RAB3C: variants seen among roughly 807,000 people sequenced by gnomAD.
The protein encoded by RAB3C is ras-related protein Rab-3C.
Under a neutral mutation model 26.4 loss-of-function variants are expected in RAB3C, and 17 were observed. That is an observed-to-expected ratio of 0.64 (90% CI 0.44 to 0.97). The LOEUF (loss-of-function observed/expected upper bound fraction) is 0.97. RAB3C is among the 50% of genes least tolerant of loss of function. The pLI is 0.00. For synonymous variants in RAB3C, 91 were observed against 95.9 expected (o/e 0.95, Z 0.30); for missense variants, 242 against 281.9 (o/e 0.86, Z 1.01).
At chr5:58,734,651 C>T (rs937287443) in intron 3 of RAB3C, among the ~76,000 whole-genome samples, 6 of 152,186 alleles carry the variant, frequency 3.9e-5, no homozygotes, top group African/African-American at 1.4e-4. Context: ...CACCCTGTTT[C>T]CTCCGTTGTC....
intron 4 of RAB3C, among the ~76,000 whole-genome samples, chr5:58,839,976 G>A (rs1341678278): frequency 6.6e-6 from 1 of 150,620 alleles, no homozygotes; most frequent in Non-Finnish European, 1.5e-5. Context: ...TAGGGGTTCT[G>A]TGAGAATTTC....
intron 3 of RAB3C, among the ~76,000 whole-genome samples, chr5:58,764,174 A>C (rs1316158958): frequency 6.6e-6 from 1 of 152,182 alleles, no homozygotes; most frequent in Non-Finnish European, 1.5e-5. Flanking sequence ...AACTTCAGAG[A>C]GGGGGACAAT....
chr5:58,582,346 T>C, upstream of RAB3C: 1 of 975,274 alleles, frequency 1.0e-6, no homozygotes, highest in African/African-American at 1.8e-5. Flanking sequence ...CGTAGAGCCC[T>C]AACCTCCTTT....
intron 2 of RAB3C, among the ~76,000 whole-genome samples, chr5:58,635,922 C>T (rs1210940468): frequency 6.6e-6 from 1 of 152,068 alleles, no homozygotes; most frequent in Non-Finnish European, 1.5e-5. Context: ...CTAATTTATA[C>T]CTGCATTTGG....
intron 2 of RAB3C, among the ~76,000 whole-genome samples, chr5:58,706,350 G>C (rs1748943213): frequency 6.6e-6 from 1 of 152,040 alleles, no homozygotes; most frequent in African/African-American, 2.4e-5. Flanking sequence ...TCTTTATTTA[G>C]AAATAAGTGG....
intron 3 of RAB3C, among the ~76,000 whole-genome samples, chr5:58,779,027 C>T (rs1485249454): frequency 1.3e-5 from 2 of 152,116 alleles, no homozygotes; most frequent in African/African-American, 2.4e-5. Flanking sequence ...TAGTAAGCCA[C>T]GTTCATTCTG....
chr5:58,631,609 G>A (rs1318386685), intron 2 of RAB3C, among the ~76,000 whole-genome samples: 1 of 152,118 alleles, frequency 6.6e-6, no homozygotes, highest in African/African-American at 2.4e-5. Context: ...GACTCACAAG[G>A]CATATTATTG....
intron 3 of RAB3C, among the ~76,000 whole-genome samples, chr5:58,810,767 T>C (rs1446261197): frequency 6.6e-6 from 1 of 152,164 alleles, no homozygotes; most frequent in Non-Finnish European, 1.5e-5. Flanking sequence ...CAGCTATTTT[T>C]TGTATGTTTA....
At chr5:58,725,838 C>A (rs969879147) in intron 2 of RAB3C, among the ~76,000 whole-genome samples, 164 bp from the exon 3 acceptor site, 1 of 151,672 alleles carries the variant, frequency 6.6e-6, no homozygotes, top group Non-Finnish European at 1.5e-5. Context: ...GTAAAAAAAT[C>A]ATTTTTAAAA....
intron 2 of RAB3C, among the ~76,000 whole-genome samples, chr5:58,641,917 A>G (rs897903320): frequency 6.6e-6 from 1 of 152,110 alleles, no homozygotes; most frequent in Non-Finnish European, 1.5e-5. Flanking sequence ...AATATGTCTG[A>G]CCAATATTGG....
intron 1 of RAB3C, among the ~76,000 whole-genome samples, chr5:58,615,597 G>A (rs1746806151): frequency 6.6e-6 from 1 of 152,154 alleles, no homozygotes; most frequent in African/African-American, 2.4e-5. Context: ...GCCGGCATGT[G>A]TTGGGGAAAG....
chr5:58,720,838 A>G (rs980185442), intron 2 of RAB3C, among the ~76,000 whole-genome samples: 2 of 151,850 alleles, frequency 1.3e-5, no homozygotes, highest in Non-Finnish European at 2.9e-5. Context: ...TTTCTTTACT[A>G]ACGGTTACTC....
rs1744284400 is a variant in RAB3C at position 58,857,232 on chromosome 5, A to C, written c.*5881A>C. 6.6e-6 allele frequency: 1 copy of C among 152,122 alleles called. No individual in the cohort carries two copies. Among genetic ancestry groups the C allele is most frequent in the African/African-American group, 2.4e-5 (1 of 41,428 alleles). 9.4% of individuals were successfully genotyped at this position (152,122 alleles called of 1,614,324 possible). On this transcript the variant is annotated 3_prime_UTR_variant, in exon 5 of 5. Transcript: ENST00000282878. Reference sequence around the variant, plus strand: ...GTAGCTGTATTTGTCTAGTGGTGCAATTTATACAGTAAATATCTTATTGGT... The same window carrying C: ...GTAGCTGTATTTGTCTAGTGGTGCACTTTATACAGTAAATATCTTATTGGT...
intron 2 of RAB3C, among the ~76,000 whole-genome samples, chr5:58,632,482 T>A (rs1030612816): frequency 6.6e-6 from 1 of 152,230 alleles, no homozygotes; most frequent in Non-Finnish European, 1.5e-5. Flanking sequence ...CAGTTCATCC[T>A]GTCATATTGT....
At chr5:58,763,450 C>T (rs559930931) in intron 3 of RAB3C, among the ~76,000 whole-genome samples, 2 of 152,272 alleles carry the variant, frequency 1.3e-5, no homozygotes, top group Non-Finnish European at 1.5e-5. Context: ...GAACACTTTT[C>T]CCCATGGATA....
intron 1 of RAB3C, among the ~76,000 whole-genome samples, chr5:58,602,117 T>G (rs974312492): frequency 3.9e-5 from 6 of 152,172 alleles, no homozygotes; most frequent in African/African-American, 1.4e-4. Flanking sequence ...CAGTGTTCAT[T>G]CAGGAGCAGG....
At chr5:58,652,405 C>G (rs1457440806) in intron 2 of RAB3C, among the ~76,000 whole-genome samples, 1 of 151,702 alleles carries the variant, frequency 6.6e-6, no homozygotes, top group Non-Finnish European at 1.5e-5. Flanking sequence ...AGAAACTTAT[C>G]TTTTTTTCTT....
At chr5:58,729,938 C>T (rs1263679025) in intron 3 of RAB3C, among the ~76,000 whole-genome samples, 1 of 146,698 alleles carries the variant, frequency 6.8e-6, no homozygotes, top group East Asian at 2.0e-4. Flanking sequence ...TATACATATC[C>T]TATATTAATC....
chr5:58,711,634 A>G (rs539242938), intron 2 of RAB3C, among the ~76,000 whole-genome samples: 1 of 152,306 alleles, frequency 6.6e-6, no homozygotes, highest in Non-Finnish European at 1.5e-5. Context: ...ACATACGTTA[A>G]TTCTCACAGT....
Sources: allele counts gnomAD v4.1 joint callset (sites outside exome capture counted in the v4.1 genomes callset), GRCh38; gene constraint gnomAD v4.1.1; transcripts MANE v1.5; gene names NCBI Gene and HGNC (gene_info 2026-07-23, HGNC 2026-07-21).